PPFIA1: variants seen among roughly 807,000 people sequenced by gnomAD.
PPFIA1 encodes PPFI scaffold protein A1.
In PPFIA1, 25 loss-of-function variants were observed where a neutral mutation model predicts 149.9. The ratio of observed to expected loss-of-function variants is 0.17; its 90% CI spans 0.12 to 0.23. The LOEUF is 0.23. Among genes scored for constraint, PPFIA1 ranks in the 10% least tolerant of loss-of-function variants. The pLI, the probability that PPFIA1 is intolerant of heterozygous loss-of-function variation, is 1.00. For missense variants in PPFIA1, 1,362 were observed against 1,506.5 expected (o/e 0.90, Z 1.59); for synonymous variants, 549 against 552.8 (o/e 0.99, Z 0.10).
intron 24 of PPFIA1, among the ~76,000 whole-genome samples, chr11:70,376,144 G>A (rs544917398): frequency 2.0e-5 from 3 of 152,098 alleles, no homozygotes; most frequent in Non-Finnish European, 2.9e-5. Flanking sequence ...ACACGCCACC[G>A]TGCCCGGCTT....
rs138012353 is a variant in PPFIA1 at position 70,355,827 on chromosome 11, G to A, written c.2488+16G>A. 562 of 1,600,290 alleles carry A rather than the reference G, an allele frequency of 3.5e-4. 3 individuals carry two copies. The East Asian group carries it at 5.0e-3, about 14-fold the overall frequency. ...TTAGGACAAGGTTGGTTGGTTTTCCGCACCCTTCTCAGCACCCAGGGGTCG... is the reference window on the plus strand; with the variant it reads ...TTAGGACAAGGTTGGTTGGTTTTCCACACCCTTCTCAGCACCCAGGGGTCG... On this transcript the variant is annotated intron_variant, in intron 18 of 27. Transcript: ENST00000253925.
intron 5 of PPFIA1, among the ~76,000 whole-genome samples, chr11:70,325,971 G>A (rs1276703304): frequency 6.6e-6 from 1 of 151,426 alleles, no homozygotes; most frequent in Non-Finnish European, 1.5e-5. Flanking sequence ...TATAAGGACT[G>A]TAGTTGTACA....
intron 2 of PPFIA1, 22 bp from the exon 3 acceptor site, chr11:70,324,380 A>T: frequency 1.3e-6 from 2 of 1,555,170 alleles, no homozygotes; most frequent in East Asian, 4.5e-5. Flanking sequence ...TATTTATTTA[A>T]TTTTGTTTTG....
chr11:70,288,607 G>A (rs2051313814), intron 2 of PPFIA1, among the ~76,000 whole-genome samples: 1 of 152,142 alleles, frequency 6.6e-6, no homozygotes, highest in Non-Finnish European at 1.5e-5. Context: ...CTGTCCGTCC[G>A]TGTACAGTGA....
chr11:70,375,299 A>G, intron 24 of PPFIA1: 1 of 390,320 alleles, frequency 2.6e-6, no homozygotes. Flanking sequence ...AAACCAGATA[A>G]GGACGATCTT....
Position 70,331,970 on chromosome 11 carries a change from A to G in PPFIA1, c.1088A>G (p.Lys363Arg). The change falls in exon 9 of 28, where the codon AAA becomes AGA. Residue 363 changes from lysine (K) to arginine (R), a missense_variant. Physicochemically the swap from Lys to Arg is conservative, Grantham distance 26. This residue lies in a region of PPFIA1 where 733 missense variants were observed against 744.1 expected (regional missense o/e 0.99). Coordinates refer to ENST00000253925, the MANE Select transcript of PPFIA1 (RefSeq NM_003626.5). Reference protein sequence around the residue: ...KDSMHRQTEDKNRQLQERLEL... With the variant: ...KDSMHRQTEDRNRQLQERLEL... ...GCTCTCATTTTATAGACTGAAGATA[A>G]AAACCGCCAGTTACAGGAGCGCTTG... 1 of 1,610,008 alleles carries G rather than the reference A, an allele frequency of 6.2e-7. No homozygotes were observed. The highest frequency in any genetic ancestry group is 8.5e-7 in the Non-Finnish European group (1 of 1,178,842).
chr11:70,340,792 C>T (rs2055283506), intron 14 of PPFIA1, among the ~76,000 whole-genome samples: 1 of 151,148 alleles, frequency 6.6e-6, no homozygotes, highest in South Asian at 2.1e-4. Flanking sequence ...TTTCGTAGTT[C>T]ACAGCTCCTG....
At chr11:70,272,913 G>A (rs1253791230) in intron 2 of PPFIA1, among the ~76,000 whole-genome samples, 2 of 152,198 alleles carry the variant, frequency 1.3e-5, no homozygotes, top group Admixed American at 1.3e-4. Context: ...GGTTTTGTAA[G>A]TCACATTTGT....
chr11:70,311,172 G>T (rs1415542305), intron 2 of PPFIA1, among the ~76,000 whole-genome samples: 1 of 152,138 alleles, frequency 6.6e-6, no homozygotes, highest in Admixed American at 6.5e-5. Context: ...AGCCAGGCGT[G>T]GTGGTGCATG....
At chr11:70,374,715 G>A in intron 23 of PPFIA1, 3 of 526,560 alleles carry the variant, frequency 5.7e-6, no homozygotes, top group Non-Finnish European at 9.9e-6. Flanking sequence ...TAATGGGAGA[G>A]TCTCCCTGAG....
At chr11:70,322,711 A>G (rs1287334714) in intron 2 of PPFIA1, among the ~76,000 whole-genome samples, 1 of 152,234 alleles carries the variant, frequency 6.6e-6, no homozygotes, top group Non-Finnish European at 1.5e-5. Context: ...ACTGTATAAT[A>G]TGTTTATAAT....
Position 70,372,321 on chromosome 11 carries a change from C to A in PPFIA1, c.2972C>A (p.Ala991Asp), listed in dbSNP as rs549513152. 6.2e-7 allele frequency: 1 copy of A among 1,614,190 alleles called. No homozygotes were observed. Among genetic ancestry groups the A allele is most frequent in the Non-Finnish European group, 8.5e-7 (1 of 1,180,038 alleles). The change falls in exon 22 of 28, where the codon GCC becomes GAC. Residue 991 changes from alanine to aspartate, a missense_variant. Around this residue, in one of 7 missense-constraint regions of PPFIA1, gnomAD observed 349 missense variants for 373.3 expected, o/e 0.93. Transcript: ENST00000253925. The stretch of plus-strand genomic sequence containing the variant: ...TACTTCATGGAGTGCCTTGTAGACG[C>A]CAGGATGCTGGACCACTTGACCAAG... ...RSYFMECLVD[A>D]RMLDHLTKKD...
intron 10 of PPFIA1, 105 bp downstream of exon 10, chr11:70,333,658 C>A: frequency 1.1e-6 from 1 of 882,460 alleles, no homozygotes; most frequent in Non-Finnish European, 1.9e-6. Flanking sequence ...GATGTTGGTC[C>A]TCCAGCTCAG....
intron 16 of PPFIA1, among the ~76,000 whole-genome samples, chr11:70,348,697 T>G (rs1190183343): frequency 1.2e-4 from 18 of 151,850 alleles, no homozygotes; most frequent in Non-Finnish European, 2.9e-5. Flanking sequence ...CTGGGCAACA[T>G]GGCAAAACCC....
rs996610347 is a variant in PPFIA1 at position 70,372,325 on chromosome 11, G to T, written c.2976G>T (p.Arg992Ser). ...SYFMECLVDA[R>S]MLDHLTKKDL... ...TCATGGAGTGCCTTGTAGACGCCAG[G>T]ATGCTGGACCACTTGACCAAGAAAG... The change falls in exon 22 of 28, where the codon AGG becomes AGT. Residue 992 changes from arginine to serine, a missense_variant. Transcript: ENST00000253925. 3 of 1,614,128 alleles carry T rather than the reference G, an allele frequency of 1.9e-6. No homozygotes were observed. Among genetic ancestry groups the T allele is most frequent in the African/African-American group, 1.3e-5 (1 of 74,942 alleles).
chr11:70,376,934 G>A (rs566192203), intron 25 of PPFIA1, among the ~76,000 whole-genome samples: 23 of 152,030 alleles, frequency 1.5e-4, no homozygotes, highest in Non-Finnish European at 3.1e-4. Context: ...TTAGCCGGGC[G>A]TTGTGGTAGG....
At chr11:70,370,668 G>A (rs1197244676) in intron 21 of PPFIA1, among the ~76,000 whole-genome samples, 1 of 152,106 alleles carries the variant, frequency 6.6e-6, no homozygotes, top group Non-Finnish European at 1.5e-5. Context: ...GATTACAGGT[G>A]TGAGCCACTG....
chr11:70,346,274 T>G (rs927585568), intron 15 of PPFIA1, among the ~76,000 whole-genome samples: 2 of 151,794 alleles, frequency 1.3e-5, no homozygotes, highest in African/African-American at 2.4e-5. Context: ...GGAGCAGGTG[T>G]GTGTGTGGAG....
rs560326795 is a variant in PPFIA1 at position 70,276,395 on chromosome 11, G to C, written c.264+3959G>C. Among the ~76,000 whole-genome samples the C allele has an allele frequency of 8.6e-5, 13 of 151,864 alleles. No homozygotes were observed. In the South Asian group the frequency reaches 2.7e-3, roughly 31 times the overall value. On this transcript the variant is annotated intron_variant, in intron 2 of 27. Transcript: ENST00000253925. ...TGTAGAATAATTCCAACCTGATCTTGATGTATTCTCCTTTTACTGGATTAT... is the reference window on the plus strand; with the variant it reads ...TGTAGAATAATTCCAACCTGATCTTCATGTATTCTCCTTTTACTGGATTAT...
Sources: gnomAD v4.1 joint callset for allele counts (sites outside exome capture counted in the v4.1 genomes callset) on GRCh38, gnomAD v4.1.1 for gene constraint, gnomAD v4.1.1 regional missense constraint, MANE v1.5 for transcripts, NCBI Gene and HGNC (gene_info 2026-07-23, HGNC 2026-07-21) for gene names.